Variants in NPY2R observed in about 807,000 individuals in gnomAD.
NPY2R encodes neuropeptide Y receptor Y2, also known as neuropeptide Y receptor type 2.
Under a neutral mutation model 22.3 loss-of-function variants are expected in NPY2R, and 17 were observed. That is an observed-to-expected ratio of 0.76 (90% CI 0.52 to 1.14). NPY2R has a LOEUF of 1.14. Ranked by LOEUF, NPY2R falls within the 50% of genes most tolerant of loss-of-function variation. The pLI is 0.00. For missense variants in NPY2R, 424 were observed against 467.9 expected, an observed-to-expected ratio of 0.91 and a Z score of 0.87; for synonymous variants, 209 against 183.4, an observed-to-expected ratio of 1.14 and a Z score of -1.13.
the NPY2R span, among the ~76,000 whole-genome samples, chr4:155,183,359 G>C: frequency 7.6e-3 from 1,164 of 152,246 alleles, 19 homozygotes; most frequent in African/African-American, 0.027. Context: ...AAATATAGGA[G>C]TTTTATTTCC....
rs544015722 is a variant in NPY2R at position 155,215,382 on chromosome 4, A to G, written c.*297A>G. The G allele has an allele frequency of 4.2e-6, 2 of 471,180 alleles. No homozygotes were observed. The highest frequency in any genetic ancestry group is 9.1e-5 in the East Asian group (2 of 22,096). 29.2% of individuals were successfully genotyped at this position (471,180 alleles called of 1,614,324 possible). ...TTTTCCTGGAGTGAAGAAAACTTGA[A>G]CAAGAAATTGGTATTATCAAAGCAT... On this transcript the variant is annotated 3_prime_UTR_variant, in exon 2 of 2. Transcript: ENST00000329476.
chr4:155,196,184 T>C, the NPY2R span, among the ~76,000 whole-genome samples: 1 of 152,026 alleles, frequency 6.6e-6, no homozygotes, highest in Non-Finnish European at 1.5e-5. Flanking sequence ...TAACATTTTA[T>C]AGTTTGAGCA....
At chr4:155,176,505 T>C in the NPY2R span, among the ~76,000 whole-genome samples, 2 of 152,160 alleles carry the variant, frequency 1.3e-5, no homozygotes, top group Admixed American at 6.5e-5. Context: ...TGTGTTAAAC[T>C]ATTAAAAGGT....
the NPY2R span, among the ~76,000 whole-genome samples, chr4:155,183,466 A>G: frequency 6.6e-6 from 1 of 152,290 alleles, no homozygotes; most frequent in South Asian, 2.1e-4. Flanking sequence ...GGAAGGAAAT[A>G]CACTCCAAGT....
chr4:155,187,275 A>G, the NPY2R span, among the ~76,000 whole-genome samples: 1 of 152,168 alleles, frequency 6.6e-6, no homozygotes, highest in Non-Finnish European at 1.5e-5. Context: ...GATTTGTGTG[A>G]ACAGATAGAA....
At chr4:155,213,259 T>C (rs1729442020) in intron 1 of NPY2R, among the ~76,000 whole-genome samples, 1 of 152,148 alleles carries the variant, frequency 6.6e-6, no homozygotes, top group Non-Finnish European at 1.5e-5. Flanking sequence ...CCAAAAAACA[T>C]TTGTACCCCA....
the NPY2R span, among the ~76,000 whole-genome samples, chr4:155,187,924 T>C: frequency 1.3e-5 from 2 of 152,166 alleles, no homozygotes; most frequent in Non-Finnish European, 2.9e-5. Flanking sequence ...AATATGCAAG[T>C]TAATATGTAA....
chr4:155,205,813 CT>C (rs1729272470), upstream of NPY2R, among the ~76,000 whole-genome samples: 1 of 140,964 alleles, frequency 7.1e-6, no homozygotes, highest in South Asian at 2.2e-4. Flanking sequence ...TGCTATCTAT[CT>C]ATCTATCTAT....
the NPY2R span, among the ~76,000 whole-genome samples, chr4:155,195,204 T>C: frequency 8.5e-5 from 13 of 152,092 alleles, no homozygotes; most frequent in African/African-American, 2.9e-4. Flanking sequence ...ACATAACATG[T>C]CAACCTGAAT....
the NPY2R span, among the ~76,000 whole-genome samples, chr4:155,187,504 C>A: frequency 3.3e-5 from 5 of 151,856 alleles, no homozygotes; most frequent in African/African-American, 1.2e-4. Context: ...GATATAAAAC[C>A]TAGAGAAGTG....
the NPY2R span, among the ~76,000 whole-genome samples, chr4:155,197,460 C>A: frequency 6.6e-6 from 1 of 151,894 alleles, no homozygotes; most frequent in Non-Finnish European, 1.5e-5. Context: ...TGCCTGCTTT[C>A]CTTCCTTCTT....
chr4:155,209,201 G>C (rs1157722576), intron 1 of NPY2R, 132 bp downstream of exon 1: 1 of 152,222 alleles, frequency 6.6e-6, no homozygotes, highest in Admixed American at 6.5e-5. Context: ...CTTTAGGCGG[G>C]AGGTGGCGAT....
chr4:155,189,418 A>T, the NPY2R span, among the ~76,000 whole-genome samples: 469 of 152,000 alleles, frequency 3.1e-3, 1 homozygote, highest in African/African-American at 0.011. Context: ...CCTAGCCCCC[A>T]TCTGTTTGTA....
chr4:155,191,260 C>T, the NPY2R span, among the ~76,000 whole-genome samples: 22 of 151,934 alleles, frequency 1.4e-4, no homozygotes, highest in African/African-American at 5.1e-4. Flanking sequence ...TTGGTTAATG[C>T]GAACCTAGCT....
chr4:155,216,565 A>T lies in NPY2R; in HGVS notation c.*1480A>T, dbSNP rs938221443. Reference sequence around the variant, plus strand: ...GATATATAGTTACAACATTAATTTTATGAACTGGAGAGCTTTACTTTGTGG... The same window carrying T: ...GATATATAGTTACAACATTAATTTTTTGAACTGGAGAGCTTTACTTTGTGG... On this transcript the variant is annotated 3_prime_UTR_variant, in exon 2 of 2. Transcript: ENST00000329476. 6.0e-6 allele frequency: 1 copy of T among 166,724 alleles called. No homozygotes were observed. Among genetic ancestry groups the T allele is most frequent in the African/African-American group, 2.4e-5 (1 of 41,470 alleles). 10.3% of individuals were successfully genotyped at this position (166,724 alleles called of 1,614,324 possible).
At chr4:155,182,953 C>T in the NPY2R span, among the ~76,000 whole-genome samples, 12 of 151,990 alleles carry the variant, frequency 7.9e-5, no homozygotes, top group Admixed American at 5.2e-4. Context: ...TCACTATGCC[C>T]GGCTAATTTT....
the NPY2R span, among the ~76,000 whole-genome samples, chr4:155,193,906 A>C: frequency 6.6e-6 from 1 of 151,946 alleles, no homozygotes; most frequent in Non-Finnish European, 1.5e-5. Context: ...CTCAAGGTCT[A>C]GCTGGGAAAT....
At chr4:155,185,950 T>A in the NPY2R span, among the ~76,000 whole-genome samples, 11 of 152,144 alleles carry the variant, frequency 7.2e-5, no homozygotes, top group Admixed American at 6.6e-4. Context: ...ATATACATCA[T>A]GTTTACACGT....
Position 155,216,254 on chromosome 4 carries a change from T to A in NPY2R, c.*1169T>A, listed in dbSNP as rs1729511749. The A allele has an allele frequency of 6.0e-6, 1 of 166,812 alleles. No homozygotes were observed. Among genetic ancestry groups the A allele is most frequent in the Non-Finnish European group, 1.5e-5 (1 of 68,024 alleles). 10.3% of individuals were successfully genotyped at this position (166,812 alleles called of 1,614,324 possible). A position where few individuals can be genotyped will look rare whatever the true frequency, so the allele number is the denominator to read the frequency against. ...TTGTCTTCTTTTCAAAATAATTAGCTATATTTTTATATAATATGAATATAT... is the reference window on the plus strand; with the variant it reads ...TTGTCTTCTTTTCAAAATAATTAGCAATATTTTTATATAATATGAATATAT... On this transcript the variant is annotated 3_prime_UTR_variant, in exon 2 of 2. Transcript: ENST00000329476.
Sources: allele counts gnomAD v4.1 joint callset (sites outside exome capture counted in the v4.1 genomes callset), GRCh38; gene constraint gnomAD v4.1.1; transcripts MANE v1.5; gene names NCBI Gene and HGNC (gene_info 2026-07-23, HGNC 2026-07-21).